Variants in RCBTB2 observed in about 807,000 individuals in gnomAD.
The protein encoded by RCBTB2 is RCC1 and BTB domain containing protein 2, also known as RCC1 and BTB domain-containing protein 2.
RCBTB2 carries 55 observed loss-of-function variants against 65.4 expected under a neutral mutation model. That is an observed-to-expected ratio of 0.84 (90% CI 0.68 to 1.05). The LOEUF (loss-of-function observed/expected upper bound fraction) is 1.05, where lower values mean the gene tolerates loss of function less well. Ranked by LOEUF, RCBTB2 falls within the 50% of genes least tolerant of loss-of-function variation. The pLI is 0.00. For synonymous variants in RCBTB2, 220 were observed against 255.2 expected (o/e 0.86, Z 1.31); for missense variants, 599 against 680.1 (o/e 0.88, Z 1.33).
At chr13:48,521,854 T>C in intron 4 of RCBTB2, 44 bp downstream of exon 4, 1 of 1,575,218 alleles carries the variant, frequency 6.3e-7, no homozygotes, top group African/African-American at 1.3e-5. Context: ...GTATGTTTCA[T>C]GCAACAGAAC....
intron 10 of RCBTB2, among the ~76,000 whole-genome samples, chr13:48,510,277 G>A (rs1225043803): frequency 6.6e-6 from 1 of 152,168 alleles, no homozygotes; most frequent in Non-Finnish European, 1.5e-5. Context: ...GAGCGACCTT[G>A]AATGTTATTG....
chr13:48,502,983 C>T, intron 10 of RCBTB2, 69 bp from the exon 11 acceptor site: 2 of 1,414,996 alleles, frequency 1.4e-6, no homozygotes, highest in Non-Finnish European at 1.9e-6. Flanking sequence ...CCTCCTCCCG[C>T]CAGGTTTAAC....
upstream of RCBTB2, chr13:48,533,205 T>G (rs1233255857): frequency 2.9e-6 from 1 of 340,070 alleles, no homozygotes; most frequent in African/African-American, 2.3e-5. Flanking sequence ...AGGAGGGGGC[T>G]GGCGACGGCG....
At chr13:48,501,543 G>C (rs779372282) in intron 12 of RCBTB2, among the ~76,000 whole-genome samples, 199 bp downstream of exon 12, 18 of 152,094 alleles carry the variant, frequency 1.2e-4, no homozygotes, top group Non-Finnish European at 2.4e-4. Flanking sequence ...GAACGCCTAT[G>C]GTACTGGTTC....
At chr13:48,523,678 C>T (rs1951547696) in intron 2 of RCBTB2, among the ~76,000 whole-genome samples, 1 of 152,096 alleles carries the variant, frequency 6.6e-6, no homozygotes, top group South Asian at 2.1e-4. Flanking sequence ...AAAGAAGGGA[C>T]CAAGTAGAGA....
At chr13:48,519,861 A>G (rs1951321745) in intron 4 of RCBTB2, among the ~76,000 whole-genome samples, 1 of 152,182 alleles carries the variant, frequency 6.6e-6, no homozygotes, top group South Asian at 2.1e-4. Flanking sequence ...TATAAAATGC[A>G]TGTATTTGCA....
chr13:48,499,542 CT>C (rs1205563573), intron 13 of RCBTB2, 78 bp downstream of exon 13: 1 of 1,436,322 alleles, frequency 7.0e-7, no homozygotes, highest in Non-Finnish European at 9.6e-7. Flanking sequence ...CTCACAGTGA[CT>C]TTCTTTTAGG....
rs542775363 is a variant in RCBTB2 at position 48,512,257 on chromosome 13, G to C, written c.517-83C>G. The C allele has an allele frequency of 1.7e-5, 21 of 1,221,668 alleles. No homozygotes were observed. The South Asian group carries it at 2.5e-4, about 15-fold the overall frequency. The allele number at this position is 1,221,668 out of a possible 1,614,324, so 75.7% of individuals were successfully genotyped here. On this transcript the variant is annotated intron_variant, in intron 7 of 14. Transcript: ENST00000344532. ...GACACTGACATGTACTTGTGGCACC[G>C]AGTCTTTCCTCTCAAAGTGCTTCAC...
At chr13:48,515,984 G>A (rs1035613514) in intron 4 of RCBTB2, among the ~76,000 whole-genome samples, 1 of 152,200 alleles carries the variant, frequency 6.6e-6, no homozygotes, top group African/African-American at 2.4e-5. Flanking sequence ...AAGGACACAG[G>A]AGTCATCCAA....
chr13:48,516,605 T>C (rs1951105565), intron 4 of RCBTB2, among the ~76,000 whole-genome samples: 1 of 152,174 alleles, frequency 6.6e-6, no homozygotes, highest in African/African-American at 2.4e-5. Flanking sequence ...TGGATTAAGG[T>C]CCACCCTAAT....
intron 6 of RCBTB2, among the ~76,000 whole-genome samples, chr13:48,513,852 G>A (rs1227008076): frequency 6.6e-6 from 1 of 152,102 alleles, no homozygotes; most frequent in Non-Finnish European, 1.5e-5. Flanking sequence ...TGCATAGCAA[G>A]CCCCCCTTAT....
At position 48,522,483 on chromosome 13, in the gene RCBTB2, A is replaced by C. The variant is rs1276735589; in HGVS notation, c.-119-80T>G. The stretch of plus-strand genomic sequence containing the variant: ...ATGTGGCTTTGTTATTCTGGACTTA[A>C]TGAAAAATCTGAAACAACAGCCATC... On this transcript the variant is annotated intron_variant, in intron 2 of 14. Transcript: ENST00000344532. The C allele has an allele frequency of 2.4e-5, 17 of 720,410 alleles. No homozygotes were observed. The Admixed American group carries it at 4.1e-4, about 18-fold the overall frequency. The allele number at this position is 720,410 out of a possible 1,614,324, so 44.6% of individuals were successfully genotyped here.
At chr13:48,490,840 GA>G (rs1177306493) in intron 14 of RCBTB2, among the ~76,000 whole-genome samples, 1 of 152,202 alleles carries the variant, frequency 6.6e-6, no homozygotes. Context: ...ATGCTTTAAA[GA>G]AATCATGACT....
chr13:48,504,494 G>T, intron 10 of RCBTB2: 1 of 274,830 alleles, frequency 3.6e-6, no homozygotes. Context: ...CATCTTGTAA[G>T]GCCCAGTTCA....
intron 12 of RCBTB2, 62 bp downstream of exon 12, chr13:48,501,680 C>A (rs1950240290): frequency 7.7e-6 from 11 of 1,431,526 alleles, no homozygotes; most frequent in Non-Finnish European, 1.1e-5. Context: ...TATAGTTGGA[C>A]ACTTAGAATA....
chr13:48,489,236 G>A lies in RCBTB2; in HGVS notation c.*875C>T, dbSNP rs141393239. On this transcript the variant is annotated 3_prime_UTR_variant, in exon 15 of 15. Coordinates refer to ENST00000344532, the MANE Select transcript of RCBTB2 (RefSeq NM_001268.4). ...TGCTTTATAGTTATACTGGTGCCAG[G>A]TTAAGAGACCTATTTTATAGTGAGT... 6.6e-6 allele frequency: 1 copy of A among 152,312 alleles called. No homozygotes were observed. The highest frequency in any genetic ancestry group is 1.9e-4 in the East Asian group (1 of 5,192). 9.4% of individuals were successfully genotyped at this position (152,312 alleles called of 1,614,324 possible).
chr13:48,534,657 T>C (rs1357112151), upstream of RCBTB2, among the ~76,000 whole-genome samples: 1 of 152,236 alleles, frequency 6.6e-6, no homozygotes. Context: ...TATAAAAGAA[T>C]GTGTTTCACT....
At chr13:48,494,309 A>T (rs890529727) in intron 14 of RCBTB2, among the ~76,000 whole-genome samples, 1 of 152,230 alleles carries the variant, frequency 6.6e-6, no homozygotes. Context: ...CAAATACAGC[A>T]CTGTTCTTTA....
chr13:48,528,481 A>G (rs1380462113), intron 1 of RCBTB2, among the ~76,000 whole-genome samples: 1 of 152,164 alleles, frequency 6.6e-6, no homozygotes, highest in Non-Finnish European at 1.5e-5. Context: ...ATGCTTTTAT[A>G]ATCAAAAGAA....
Sources: gnomAD v4.1 joint callset for allele counts (sites outside exome capture counted in the v4.1 genomes callset) on GRCh38, gnomAD v4.1.1 for gene constraint, MANE v1.5 for transcripts, NCBI Gene and HGNC (gene_info 2026-07-23, HGNC 2026-07-21) for gene names.